GTF2A1L: variants seen among roughly 807,000 people sequenced by gnomAD.
GTF2A1L encodes the protein TFIIA-alpha and beta-like factor.
A neutral mutation model predicts 49.7 loss-of-function variants in GTF2A1L; 48 were observed. The observed-to-expected ratio is 0.97, with a 90% confidence interval of 0.77 to 1.23. GTF2A1L has a LOEUF of 1.23. GTF2A1L is among the 50% of genes most tolerant of loss of function. The pLI is 0.00. For missense variants in GTF2A1L, 736 were observed against 564.8 expected, an observed-to-expected ratio of 1.30 and a Z score of -3.07; for synonymous variants, 246 against 193.5, an observed-to-expected ratio of 1.27 and a Z score of -2.25.
intron 8 of GTF2A1L, among the ~76,000 whole-genome samples, chr2:48,679,010 G>T (rs147341267): frequency 1.3e-5 from 2 of 150,958 alleles, no homozygotes; most frequent in African/African-American, 4.9e-5. Context: ...TATGTATTAG[G>T]TTTCTGTCCT....
At chr2:48,625,515 T>C (rs141552540) in intron 3 of GTF2A1L, among the ~76,000 whole-genome samples, 1 of 144,254 alleles carries the variant, frequency 6.9e-6, no homozygotes, top group African/African-American at 2.5e-5. Context: ...TGTTGGCTGC[T>C]GTTTTATTTT....
At chr2:48,664,393 T>C (rs1426501920) in intron 6 of GTF2A1L, among the ~76,000 whole-genome samples, 1 of 151,978 alleles carries the variant, frequency 6.6e-6, no homozygotes, top group Non-Finnish European at 1.5e-5. Flanking sequence ...CCTTCTTTCA[T>C]GTTTTGATAT....
chr2:48,669,689 CT>C (rs756208269), intron 6 of GTF2A1L, 32 bp from the exon 7 acceptor site: 1 of 1,580,056 alleles, frequency 6.3e-7, no homozygotes, highest in Non-Finnish European at 8.6e-7. Context: ...CCTTATTTGA[CT>C]TGAACTTTAT....
intron 6 of GTF2A1L, among the ~76,000 whole-genome samples, chr2:48,655,617 G>A (rs1678126253): frequency 6.6e-6 from 1 of 152,136 alleles, no homozygotes; most frequent in Non-Finnish European, 1.5e-5. Flanking sequence ...GATCAGTTTT[G>A]CCACATAGTA....
intron 6 of GTF2A1L, among the ~76,000 whole-genome samples, chr2:48,658,577 C>T (rs992689412): frequency 1.3e-5 from 2 of 152,088 alleles, no homozygotes; most frequent in Admixed American, 6.6e-5. Flanking sequence ...ATTGTTTTGG[C>T]TGTTCAGGCT....
chr2:48,621,261 G>C lies in GTF2A1L; in HGVS notation c.218G>C (p.Ser73Thr). 1 of 1,614,026 alleles carries C rather than the reference G, an allele frequency of 6.2e-7. No homozygotes were observed. Among genetic ancestry groups the C allele is most frequent in the Non-Finnish European group, 8.5e-7 (1 of 1,180,008 alleles). Residue 73 changes from serine to threonine, a missense_variant, in exon 3 of 9, where the codon AGC becomes ACC. Physicochemically the swap from Ser to Thr is moderately conservative, Grantham distance 58. Transcript: ENST00000403751. ...SPLFTLQLPH[S>T]LHQTLQSSTA... The stretch of plus-strand genomic sequence containing the variant: ...CTGTTTACTCTTCAGTTGCCGCACA[G>C]CTTGCACCAAACATTGCAATCGTCA...
At chr2:48,654,148 T>C (rs1678035397) in intron 6 of GTF2A1L, among the ~76,000 whole-genome samples, 1 of 152,172 alleles carries the variant, frequency 6.6e-6, no homozygotes, top group South Asian at 2.1e-4. Context: ...ACCACATCCT[T>C]GGTAGTTAAC....
intron 6 of GTF2A1L, among the ~76,000 whole-genome samples, chr2:48,657,988 A>G (rs1678274789): frequency 6.6e-6 from 1 of 152,062 alleles, no homozygotes; most frequent in Non-Finnish European, 1.5e-5. Flanking sequence ...TAAGTTTCTT[A>G]TAAATTCTGG....
intron 7 of GTF2A1L, 127 bp from the exon 8 acceptor site, chr2:48,671,464 G>A (rs749217773): frequency 1.9e-5 from 17 of 885,510 alleles, no homozygotes; most frequent in East Asian, 2.8e-5. Flanking sequence ...TAGGCCTCCC[G>A]TAGTGCTGGG....
At chr2:48,662,119 A>G (rs577023279) in intron 6 of GTF2A1L, among the ~76,000 whole-genome samples, 1 of 152,332 alleles carries the variant, frequency 6.6e-6, no homozygotes, top group African/African-American at 2.4e-5. Flanking sequence ...TTTTAATCAG[A>G]TAGTCACTTA....
chr2:48,673,784 G>T (rs1031297640), intron 8 of GTF2A1L, among the ~76,000 whole-genome samples: 12 of 152,268 alleles, frequency 7.9e-5, no homozygotes, highest in South Asian at 2.1e-4. Flanking sequence ...ACGTAGTAAG[G>T]CCTGTTTGTT....
chr2:48,640,171 A>G (rs529458910), intron 3 of GTF2A1L, among the ~76,000 whole-genome samples: 2 of 152,336 alleles, frequency 1.3e-5, no homozygotes, highest in Admixed American at 1.3e-4. Context: ...CAGAACTGCT[A>G]TTTGACCCAG....
intron 6 of GTF2A1L, among the ~76,000 whole-genome samples, chr2:48,657,855 G>C (rs973069172): frequency 1.3e-5 from 2 of 151,944 alleles, no homozygotes; most frequent in South Asian, 4.1e-4. Flanking sequence ...CTGATGATTA[G>C]TGATGTGGAA....
At chr2:48,675,970 G>A (rs912959440) in intron 8 of GTF2A1L, among the ~76,000 whole-genome samples, 9 of 151,636 alleles carry the variant, frequency 5.9e-5, no homozygotes, top group African/African-American at 1.9e-4. Context: ...CTGTAAAAAG[G>A]TATACAATGA....
intron 4 of GTF2A1L, among the ~76,000 whole-genome samples, chr2:48,642,792 G>A (rs1205320739): frequency 6.6e-6 from 1 of 152,048 alleles, no homozygotes; most frequent in Non-Finnish European, 1.5e-5. Context: ...GGAGGCGGAG[G>A]TTGCAGTGAG....
intron 3 of GTF2A1L, among the ~76,000 whole-genome samples, chr2:48,639,825 A>C (rs564376351): frequency 1.3e-5 from 2 of 152,234 alleles, no homozygotes; most frequent in African/African-American, 4.8e-5. Flanking sequence ...TCCAGCATCT[A>C]TAAGGAACTT....
chr2:48,675,679 G>A (rs1328341449), intron 8 of GTF2A1L, among the ~76,000 whole-genome samples: 2 of 151,850 alleles, frequency 1.3e-5, no homozygotes, highest in East Asian at 1.9e-4. Flanking sequence ...CTACAAATAG[G>A]ACACTATTTA....
At chr2:48,622,482 A>G (rs1452073618) in intron 3 of GTF2A1L, among the ~76,000 whole-genome samples, 5 of 152,016 alleles carry the variant, frequency 3.3e-5, no homozygotes, top group African/African-American at 9.7e-5. Flanking sequence ...TCACTGTTTT[A>G]TTTATTACAG....
At chr2:48,675,188 A>T (rs1432326284) in intron 8 of GTF2A1L, among the ~76,000 whole-genome samples, 1 of 152,134 alleles carries the variant, frequency 6.6e-6, no homozygotes, top group Non-Finnish European at 1.5e-5. Context: ...TGGGCTTAGC[A>T]CGCTTTTGTT....
Sources: gnomAD v4.1 joint callset for allele counts (sites outside exome capture counted in the v4.1 genomes callset) on GRCh38, gnomAD v4.1.1 for gene constraint, MANE v1.5 for transcripts, NCBI Gene and HGNC (gene_info 2026-07-23, HGNC 2026-07-21) for gene names.